Variants in ARHGAP25 observed in about 807,000 individuals in gnomAD.
ARHGAP25 encodes rho GTPase-activating protein 25.
Under a neutral mutation model 71.0 loss-of-function variants are expected in ARHGAP25, and 34 were observed. That is an observed-to-expected ratio of 0.48 (90% CI 0.36 to 0.64). ARHGAP25 has a LOEUF of 0.64. Ranked by LOEUF, ARHGAP25 falls within the 30% of genes least tolerant of loss-of-function variation. The pLI, the probability that ARHGAP25 is intolerant of heterozygous loss-of-function variation, is 0.00. For synonymous variants in ARHGAP25, 282 were observed against 296.5 expected (o/e 0.95, Z 0.50); for missense variants, 706 against 805.1 (o/e 0.88, Z 1.49).
At chr2:68,818,433 T>G (rs1408895762) in intron 8 of ARHGAP25, among the ~76,000 whole-genome samples, 1 of 152,218 alleles carries the variant, frequency 6.6e-6, no homozygotes, top group African/African-American at 2.4e-5. Flanking sequence ...GTTCAAGTGA[T>G]TCTCCTGCCT....
chr2:68,711,666 C>T (rs1391051913), intron 2 of ARHGAP25, among the ~76,000 whole-genome samples: 3 of 149,828 alleles, frequency 2.0e-5, no homozygotes, highest in Non-Finnish European at 3.0e-5. Flanking sequence ...CTATCCCTCC[C>T]CCAGCCACCC....
At position 68,790,793 on chromosome 2, in the gene ARHGAP25, C is replaced by T. The variant is rs549403107; in HGVS notation, c.466+2837C>T. On this transcript the variant is annotated intron_variant, in intron 4 of 10. Coordinates refer to ENST00000409202, the MANE Select transcript of ARHGAP25 (RefSeq NM_001007231.3). ...GAGCGGCCAGAGTGAGCCTGTTAAA[C>T]CTGTCTTATCAAGATTCTTCTCAGC... 5.9e-5 allele frequency among the ~76,000 whole-genome samples: 9 copies of T among 152,322 alleles called. No homozygotes were observed. The East Asian group carries it at 1.3e-3, about 23-fold the overall frequency.
At chr2:68,776,802 C>T (rs954991756) in intron 2 of ARHGAP25, among the ~76,000 whole-genome samples, 3 of 152,110 alleles carry the variant, frequency 2.0e-5, no homozygotes, top group African/African-American at 7.2e-5. Context: ...GACTCTAGAA[C>T]CTTCTGGAGC....
intron 6 of ARHGAP25, among the ~76,000 whole-genome samples, chr2:68,813,824 T>C (rs1307206116): frequency 6.6e-6 from 1 of 152,184 alleles, no homozygotes; most frequent in Admixed American, 6.5e-5. Context: ...AAGGAATGCA[T>C]GTGCCAGGGA....
intron 5 of ARHGAP25, 112 bp from the exon 6 acceptor site, chr2:68,813,173 AAT>A: frequency 7.8e-7 from 1 of 1,287,800 alleles, no homozygotes; most frequent in Non-Finnish European, 1.0e-6. Flanking sequence ...TCCTCTGCAA[AAT>A]TTCCCTTTGT....
chr2:68,735,252 C>A lies in ARHGAP25; in HGVS notation c.53C>A (p.Ala18Glu), dbSNP rs775215112. ...GATTTCAACCTGAAAGTGGAGGCTG[C>A]GAAAATAGGTATGGTTGGTGTCTTT... is the stretch of plus-strand genomic sequence containing the variant. ...NWDFNLKVEAAKIARSRSVMT... is the reference protein window; with the variant it reads ...NWDFNLKVEAEKIARSRSVMT... Residue 18 changes from alanine (A) to glutamate (E), a missense_variant, in exon 1 of 11, where the codon GCG (alanine) becomes GAG (glutamate). Physicochemically the swap from Ala to Glu is moderately radical, Grantham distance 107 (BLOSUM62 -1). Transcript: ENST00000409202. 6.2e-7 allele frequency: 1 copy of A among 1,614,006 alleles called. No homozygotes were observed. The highest frequency in any genetic ancestry group is 8.5e-7 in the Non-Finnish European group (1 of 1,179,912).
intron 1 of ARHGAP25, among the ~76,000 whole-genome samples, chr2:68,746,816 G>A (rs1280991482): frequency 6.6e-6 from 1 of 151,850 alleles, no homozygotes; most frequent in African/African-American, 2.4e-5. Context: ...AGACCAGACT[G>A]ACCAACATGG....
chr2:68,781,117 G>A (rs1573516951), intron 2 of ARHGAP25, among the ~76,000 whole-genome samples: 2 of 152,290 alleles, frequency 1.3e-5, no homozygotes, highest in African/African-American at 4.8e-5. Context: ...GCCAGGCACG[G>A]TGGCTCATGC....
chr2:68,784,807 C>G (rs1383357457), intron 3 of ARHGAP25, among the ~76,000 whole-genome samples: 1 of 152,142 alleles, frequency 6.6e-6, no homozygotes, highest in Non-Finnish European at 1.5e-5. Context: ...AGCAGCAAAC[C>G]AAATATATGG....
chr2:68,740,372 G>A (rs1396009234), intron 1 of ARHGAP25, among the ~76,000 whole-genome samples: 1 of 152,198 alleles, frequency 6.6e-6, no homozygotes, highest in East Asian at 1.9e-4. Flanking sequence ...TCTGCATGAA[G>A]GAATTAAATG....
At chr2:68,801,542 C>T (rs748229344) in intron 4 of ARHGAP25, among the ~76,000 whole-genome samples, 4 of 152,134 alleles carry the variant, frequency 2.6e-5, no homozygotes, top group African/African-American at 9.7e-5. Flanking sequence ...ATGTAAAGGC[C>T]ATTGGTCTCC....
At chr2:68,812,060 G>A (rs1156341435) in intron 5 of ARHGAP25, among the ~76,000 whole-genome samples, 2 of 152,198 alleles carry the variant, frequency 1.3e-5, no homozygotes, top group Non-Finnish European at 2.9e-5. Flanking sequence ...CAATCGCCTT[G>A]TAAGCCAGGG....
intron 4 of ARHGAP25, among the ~76,000 whole-genome samples, chr2:68,802,441 C>A (rs554199105): frequency 6.8e-6 from 1 of 147,318 alleles, no homozygotes; most frequent in Admixed American, 6.8e-5. Context: ...AATGTGCCAA[C>A]CTATTTGGGG....
intron 4 of ARHGAP25, among the ~76,000 whole-genome samples, chr2:68,806,270 C>T (rs1680358481): frequency 6.6e-6 from 1 of 152,220 alleles, no homozygotes; most frequent in Non-Finnish European, 1.5e-5. Context: ...ATGCATTGTA[C>T]TGCATACATT....
chr2:68,723,290 A>G (rs574803145), intron 2 of ARHGAP25, among the ~76,000 whole-genome samples: 4 of 152,292 alleles, frequency 2.6e-5, no homozygotes, highest in African/African-American at 9.6e-5. Flanking sequence ...TTTTCAAGAA[A>G]GTGAAGTTCC....
chr2:68,715,754 T>G (rs1674594638), intron 2 of ARHGAP25, among the ~76,000 whole-genome samples: 1 of 152,162 alleles, frequency 6.6e-6, no homozygotes, highest in South Asian at 2.1e-4. Flanking sequence ...TATTATTTTT[T>G]AAAGTTAAGA....
At chr2:68,772,569 T>C (rs773219349) in intron 1 of ARHGAP25, among the ~76,000 whole-genome samples, 2 of 152,244 alleles carry the variant, frequency 1.3e-5, no homozygotes, top group Admixed American at 6.5e-5. Flanking sequence ...AAACTATCTT[T>C]TTCATTTTTG....
At chr2:68,769,329 C>A (rs10170087) in intron 1 of ARHGAP25, among the ~76,000 whole-genome samples, 91,441 of 151,964 alleles carry the variant, frequency 0.6, 28,064 homozygotes, top group South Asian at 0.67. Context: ...AAGAAGCAGG[C>A]ACTGGCTGGG....
intron 1 of ARHGAP25, among the ~76,000 whole-genome samples, chr2:68,770,138 G>T (rs148532387): frequency 2.0e-5 from 3 of 152,162 alleles, no homozygotes; most frequent in Non-Finnish European, 2.9e-5. Flanking sequence ...GGTAAAGCAG[G>T]TTTGGGCATG....
Sources: allele counts gnomAD v4.1 joint callset (sites outside exome capture counted in the v4.1 genomes callset), GRCh38; gene constraint gnomAD v4.1.1; transcripts MANE v1.5; gene names NCBI Gene and HGNC (gene_info 2026-07-23, HGNC 2026-07-21).